Variants in CCL24 observed in about 807,000 individuals in gnomAD.
CCL24 encodes the protein C-C motif chemokine ligand 24, also known as C-C motif chemokine 24.
Under a neutral mutation model 8.6 loss-of-function variants are expected in CCL24, and 6 were observed. The ratio of observed to expected loss-of-function variants is 0.70; its 90% CI spans 0.38 to 1.38. The LOEUF (loss-of-function observed/expected upper bound fraction) is 1.38, where lower values mean the gene tolerates loss of function less well. Ranked by LOEUF, CCL24 falls within the 40% of genes most tolerant of loss-of-function variation. The probability of loss-of-function intolerance (pLI) is 0.02; values close to 1 mark genes in which losing one functional copy is unlikely to be tolerated. For synonymous variants in CCL24, 59 were observed against 52.7 expected (o/e 1.12, Z -0.52); for missense variants, 126 against 147.1 (o/e 0.86, Z 0.74).
At chr7:75,817,563 C>T (rs945900356), upstream of CCL24, among the ~76,000 whole-genome samples, 37 of 150,590 alleles carry the variant, frequency 2.5e-4, no homozygotes, top group African/African-American at 9.1e-4. Flanking sequence ...AGTGGAATGG[C>T]CTGATCTCAG....
Position 75,811,712 on chromosome 7 carries a change from C to T in CCL24, c.*84G>A. 8.0e-7 allele frequency: 1 copy of T among 1,243,816 alleles called. No individual in the cohort carries two copies. The allele number at this position is 1,243,816 out of a possible 1,614,324, so 77.0% of individuals were successfully genotyped here. A position where few individuals can be genotyped will look rare whatever the true frequency, so the allele number is the denominator to read the frequency against. On this transcript the variant is annotated 3_prime_UTR_variant, in exon 3 of 3. Transcript: ENST00000222902. ...AAGAAACAGGAAAATTAGCTCTTCCCCCCATCACTGTGGCTTCTCCAGGCC... is the reference window on the plus strand; with the variant it reads ...AAGAAACAGGAAAATTAGCTCTTCCTCCCATCACTGTGGCTTCTCCAGGCC...
At chr7:75,821,562 G>T (rs1286931954) in intron 1 of CCL24, among the ~76,000 whole-genome samples, 4 of 152,140 alleles carry the variant, frequency 2.6e-5, no homozygotes, top group African/African-American at 7.2e-5. Context: ...GTCTGCAGGG[G>T]CTGTGGGGCT....
upstream of CCL24, among the ~76,000 whole-genome samples, chr7:75,818,107 C>T (rs1264963380): frequency 6.6e-6 from 1 of 151,764 alleles, no homozygotes; most frequent in Non-Finnish European, 1.5e-5. Flanking sequence ...CTGGGATGAC[C>T]AGCATGAGCC....
rs782227281 is a variant in CCL24, at chr7:75,813,353, G to T, written c.144C>A (p.Val48=). 1.2e-6 allele frequency: 2 copies of T among 1,613,620 alleles called. No individual in the cohort carries two copies. The highest frequency in any genetic ancestry group is 2.2e-5 in the South Asian group (2 of 91,040). ...TGCTCCTGCTGGACAGCTGGTAGCTGACCACTCGGTTCTCAGGAATTCTCT... is the reference window on the plus strand; with the variant it reads ...TGCTCCTGCTGGACAGCTGGTAGCTTACCACTCGGTTCTCAGGAATTCTCT... ...VSKRIPENRV[V]SYQLSSRSTC... Residue 48 remains valine, a synonymous_variant, in exon 2 of 3, where the codon GTC becomes GTA. Transcript: ENST00000222902.
rs782002431 is a variant in CCL24 at position 75,811,836 on chromosome 7, C to A, written c.320G>T (p.Gly107Val). ...GTTGCCAGGATATCTCTGGACAGGG[C>A]CCTTGACAGCCACTGCCCTGGCCCT... ...SPRARAVAVK[G>V]PVQRYPGNQT... is the part of the protein sequence containing the mutation. Residue 107 changes from glycine (G) to valine (V), a missense_variant, in exon 3 of 3, where the codon GGC becomes GTC. Coordinates refer to ENST00000222902, the MANE Select transcript of CCL24 (RefSeq NM_002991.3). 1.2e-5 allele frequency: 20 copies of A among 1,613,328 alleles called. No individual in the cohort carries two copies. In the Admixed American group the frequency reaches 2.3e-4, roughly 19 times the overall value.
intron 1 of CCL24, among the ~76,000 whole-genome samples, chr7:75,819,024 T>C: frequency 6.6e-6 from 1 of 150,588 alleles, no homozygotes; most frequent in East Asian, 1.9e-4. Flanking sequence ...ATCCCAGCAC[T>C]TTGGGAGGCC....
At chr7:75,814,578 A>G (rs533153495), upstream of CCL24, among the ~76,000 whole-genome samples, 14 of 151,512 alleles carry the variant, frequency 9.2e-5, no homozygotes, top group Admixed American at 7.3e-4. Flanking sequence ...AAATCAATCA[A>G]TCAACCAATC....
At chr7:75,813,582 G>C in intron 1 of CCL24, 61 bp downstream of exon 1, 1 of 1,473,670 alleles carries the variant, frequency 6.8e-7, no homozygotes. Context: ...GGTCAGTCCT[G>C]CACCCCCCAC....
intron 1 of CCL24, among the ~76,000 whole-genome samples, chr7:75,819,918 G>T (rs1428087791): frequency 6.6e-6 from 1 of 151,800 alleles, no homozygotes; most frequent in East Asian, 1.9e-4. Flanking sequence ...CCTCATCTAT[G>T]AAATGGTGGG....
chr7:75,812,926 A>C, intron 2 of CCL24, among the ~76,000 whole-genome samples: 1 of 149,366 alleles, frequency 6.7e-6, no homozygotes, highest in East Asian at 2.0e-4. Context: ...ACTCTGTCTC[A>C]GGGGAAAAAA....
intron 1 of CCL24, among the ~76,000 whole-genome samples, chr7:75,820,088 CCTCTTCTTCT>C (rs1563353910): frequency 6.8e-5 from 9 of 132,018 alleles, no homozygotes; most frequent in African/African-American, 2.5e-4. Context: ...TCTTCTTCTT[CCTCTTCTTCT>C]TCTTCTTCCT....
intron 1 of CCL24, among the ~76,000 whole-genome samples, chr7:75,819,261 TC>T (rs1803959196): frequency 2.1e-5 from 1 of 47,552 alleles, no homozygotes; most frequent in South Asian, 9.1e-4. Context: ...AGAGTGAAAC[TC>T]CGTCTCAAAA....
upstream of CCL24, chr7:75,813,912 G>A (rs1367595151): frequency 2.1e-6 from 1 of 486,724 alleles, no homozygotes; most frequent in East Asian, 3.8e-5. Context: ...GGTCTGGAAA[G>A]AGGAAGTTGT....
At chr7:75,812,807 G>A (rs1184300964) in intron 2 of CCL24, among the ~76,000 whole-genome samples, 1 of 152,082 alleles carries the variant, frequency 6.6e-6, no homozygotes, top group Non-Finnish European at 1.5e-5. Context: ...GTGCGTACCT[G>A]TAATCCCAGC....
chr7:75,812,156 C>T (rs1803779932), intron 2 of CCL24, among the ~76,000 whole-genome samples, 192 bp from the exon 3 acceptor site: 1 of 151,952 alleles, frequency 6.6e-6, no homozygotes, highest in Non-Finnish European at 1.5e-5. Context: ...GCGATCATAA[C>T]TCACTGCAGC....
In CCL24 at chr7:75,811,241, G is replaced by A. The variant is rs1184157749; in HGVS notation, c.*555C>T. On this transcript the variant is annotated 3_prime_UTR_variant, in exon 3 of 3. Transcript: ENST00000222902. ...TGCCTGTAATCCCAGCACTTTGGGA[G>A]GCCGAGGCAGGTAGATCACTTGAGG... Among the ~76,000 whole-genome samples, 3 of 151,802 alleles carry A rather than the reference G, an allele frequency of 2.0e-5. No individual in the cohort carries two copies. The highest frequency in any genetic ancestry group is 1.3e-4 in the Admixed American group (2 of 15,236).
rs562220612 is a variant in CCL24 at position 75,813,687 on chromosome 7, C to T, written c.29G>A (p.Ser10Asn). The change falls in exon 1 of 3, where the codon AGC becomes AAC. Residue 10 changes from serine to asparagine, a missense_variant. By Grantham distance (46) the Ser-to-Asn change is conservative. Transcript: ENST00000222902. ...GGCACAGACACCAAGGAACAGAAGG[C>T]TGGTTACTATGGTCATCAGGCCTGC... is the stretch of plus-strand genomic sequence containing the variant. Reference protein sequence around the residue: MAGLMTIVTSLLFLGVCAHH... With the variant: MAGLMTIVTNLLFLGVCAHH... 3.1e-6 allele frequency: 5 copies of T among 1,614,106 alleles called. No individual in the cohort carries two copies. The East Asian group carries it at 1.1e-4, about 36-fold the overall frequency.
chr7:75,811,333 G>T lies in CCL24; in HGVS notation c.*463C>A, dbSNP rs2115770060. Among the ~76,000 whole-genome samples, 1 of 152,026 alleles carries T rather than the reference G, an allele frequency of 6.6e-6. No individual in the cohort carries two copies. On this transcript the variant is annotated 3_prime_UTR_variant, in exon 3 of 3. Transcript: ENST00000222902. ...ATCTCTACTAAAAATACAAAAGTTAGTTGGGTGTGGTGGTACACACCTGTA... is the reference window on the plus strand; with the variant it reads ...ATCTCTACTAAAAATACAAAAGTTATTTGGGTGTGGTGGTACACACCTGTA...
intron 1 of CCL24, among the ~76,000 whole-genome samples, chr7:75,819,290 AAAAAAAAAAAAAAATATATATATATATAT>A (rs1803966426): frequency 6.9e-5 from 2 of 28,966 alleles, no homozygotes; most frequent in Non-Finnish European, 6.6e-5. Flanking sequence ...AAAAAAAAAA[AAAAAAAAAAAAAAATATATATATATATAT>A]ATATATATAT....
Sources: allele counts gnomAD v4.1 joint callset (sites outside exome capture counted in the v4.1 genomes callset), GRCh38; gene constraint gnomAD v4.1.1; transcripts MANE v1.5; gene names NCBI Gene and HGNC (gene_info 2026-07-23, HGNC 2026-07-21).